Variants in PHACTR3 observed in about 807,000 individuals in gnomAD.
PHACTR3 encodes protein phosphatase 1, regulatory subunit 123.
A neutral mutation model predicts 66.8 loss-of-function variants in PHACTR3; 16 were observed. The observed-to-expected ratio is 0.24, with a 90% CI of 0.16 to 0.36. The LOEUF is 0.36. Ranked by LOEUF, PHACTR3 falls within the 10% of genes least tolerant of loss-of-function variation. PHACTR3 has a pLI of 1.00. For missense variants in PHACTR3, 647 were observed against 719.9 expected (o/e 0.90, Z 1.16); for synonymous variants, 323 against 292.1 (o/e 1.11, Z -1.08).
chr20:59,652,270 G>T (rs2035482324), intron 1 of PHACTR3, among the ~76,000 whole-genome samples: 1 of 152,160 alleles, frequency 6.6e-6, no homozygotes, highest in Non-Finnish European at 1.5e-5. Context: ...AGATGTGGTG[G>T]CTCACACCTG....
chr20:59,833,231 A>G (rs1415596365), intron 8 of PHACTR3, among the ~76,000 whole-genome samples: 1 of 152,236 alleles, frequency 6.6e-6, no homozygotes, highest in Non-Finnish European at 1.5e-5. Flanking sequence ...ACATTCAGTG[A>G]GAAGCTTGGC....
intron 7 of PHACTR3, 61 bp from the exon 8 acceptor site, chr20:59,805,980 C>T: frequency 1.3e-6 from 2 of 1,541,654 alleles, no homozygotes; most frequent in Non-Finnish European, 1.7e-6. Context: ...CAAGCCAGCC[C>T]TCCGCTAAGA....
At chr20:59,748,281 G>C (rs535207574) in intron 3 of PHACTR3, among the ~76,000 whole-genome samples, 1 of 152,122 alleles carries the variant, frequency 6.6e-6, no homozygotes, top group African/African-American at 2.4e-5. Context: ...ATGCTGGGGC[G>C]GGGTGGGATA....
chr20:59,737,514 A>G (rs1313834584), intron 1 of PHACTR3, among the ~76,000 whole-genome samples: 1 of 130,816 alleles, frequency 7.6e-6, no homozygotes, highest in African/African-American at 2.5e-5. Flanking sequence ...GTGTGCGTGC[A>G]TGTGTGCGTG....
At chr20:59,644,337 T>A (rs534331026) in intron 1 of PHACTR3, among the ~76,000 whole-genome samples, 1 of 152,356 alleles carries the variant, frequency 6.6e-6, no homozygotes, top group African/African-American at 2.4e-5. Context: ...TAACTTCTAT[T>A]TGTTGTGATA....
intron 1 of PHACTR3, among the ~76,000 whole-genome samples, chr20:59,650,294 T>C (rs1601007422): frequency 6.6e-6 from 1 of 152,272 alleles, no homozygotes; most frequent in East Asian, 1.9e-4. Context: ...ATGTAAAGGG[T>C]TGCAGATACA....
chr20:59,604,732 G>T lies in PHACTR3; in HGVS notation c.-283G>T. The T allele has an allele frequency of 9.3e-7, 1 of 1,080,022 alleles. No homozygotes were observed. The highest frequency in any genetic ancestry group is 1.1e-6 in the Non-Finnish European group (1 of 893,920). 66.9% of individuals were successfully genotyped at this position (1,080,022 alleles called of 1,614,324 possible). On this transcript the variant is annotated 5_prime_UTR_variant, in exon 1 of 13. Coordinates refer to ENST00000371015, the MANE Select transcript of PHACTR3 (RefSeq NM_080672.5). Reference sequence around the variant, plus strand: ...CTTTTTTTTTTTTCCCTGGAATATAGACTGAAGAATGGGAATAAACACGAA... The same window carrying T: ...CTTTTTTTTTTTTCCCTGGAATATATACTGAAGAATGGGAATAAACACGAA...
At chr20:59,580,538 C>T (rs886648054) in intron 1 of PHACTR3, among the ~76,000 whole-genome samples, 6 of 151,430 alleles carry the variant, frequency 4.0e-5, no homozygotes, top group Admixed American at 1.3e-4. Context: ...AGTGCTGACT[C>T]GTAGTGGGTT....
chr20:59,745,097 A>C (rs1366920952), intron 2 of PHACTR3, among the ~76,000 whole-genome samples: 1 of 152,216 alleles, frequency 6.6e-6, no homozygotes, highest in Non-Finnish European at 1.5e-5. Context: ...CTTTGGGCCC[A>C]GTGGTCCGAG....
At chr20:59,633,146 T>C (rs887909046) in intron 1 of PHACTR3, among the ~76,000 whole-genome samples, 1 of 152,228 alleles carries the variant, frequency 6.6e-6, no homozygotes, top group Admixed American at 6.5e-5. Flanking sequence ...GATTAGGCTT[T>C]TCTCGTGAAA....
At chr20:59,845,162 A>T (rs1369654285) in intron 11 of PHACTR3, 27 bp from the exon 12 acceptor site, 2 of 1,434,610 alleles carry the variant, frequency 1.4e-6, no homozygotes, top group East Asian at 2.3e-5. Context: ...ATATCCTGTA[A>T]AACAATGTCT....
chr20:59,586,525 A>ATT (rs199713814), intron 1 of PHACTR3, among the ~76,000 whole-genome samples: 3 of 146,434 alleles, frequency 2.0e-5, no homozygotes, highest in Non-Finnish European at 3.0e-5. Flanking sequence ...AATTAACTCC[A>ATT]TTTTTTTTTT....
chr20:59,605,835 G>A (rs1216886049), intron 1 of PHACTR3, among the ~76,000 whole-genome samples: 1 of 115,402 alleles, frequency 8.7e-6, no homozygotes, highest in East Asian at 2.9e-4. Context: ...AGGAAGAAAG[G>A]CCTAATAAAG....
In PHACTR3 at chr20:59,680,391, C is replaced by T. The variant is rs75175503; in HGVS notation, c.119-62716C>T. On this transcript the variant is annotated intron_variant, in intron 1 of 12. Coordinates refer to ENST00000371015, the MANE Select transcript of PHACTR3 (RefSeq NM_080672.5). ...GGAGAACTGCCTTAATGTTCAGAAA[C>T]GGTCCAGTGGTGGCAGGCTGGACAA... is the stretch of plus-strand genomic sequence containing the variant. 5.4e-3 allele frequency among the ~76,000 whole-genome samples: 819 copies of T among 152,138 alleles called. 7 individuals carry two copies. The highest frequency in any genetic ancestry group is 0.019 in the African/African-American group (790 of 41,510).
intron 1 of PHACTR3, among the ~76,000 whole-genome samples, chr20:59,654,490 C>T (rs559918630): frequency 2.6e-5 from 4 of 152,174 alleles, no homozygotes; most frequent in Non-Finnish European, 5.9e-5. Flanking sequence ...ATGTACTGAT[C>T]TCATTTTACC....
chr20:59,824,139 T>A (rs1568858625), intron 8 of PHACTR3, among the ~76,000 whole-genome samples: 1 of 152,198 alleles, frequency 6.6e-6, no homozygotes, highest in Non-Finnish European at 1.5e-5. Context: ...TGACTTAAAG[T>A]CAGCTGATCA....
intron 8 of PHACTR3, among the ~76,000 whole-genome samples, chr20:59,814,455 G>A (rs1448154942): frequency 5.9e-5 from 9 of 152,158 alleles, no homozygotes; most frequent in African/African-American, 2.2e-4. Flanking sequence ...ATGCCGTCAG[G>A]TGCCTGGGGT....
At chr20:59,687,729 G>A (rs893042758) in intron 1 of PHACTR3, among the ~76,000 whole-genome samples, 5 of 152,116 alleles carry the variant, frequency 3.3e-5, no homozygotes, top group African/African-American at 1.2e-4. Flanking sequence ...TTTGTGGACT[G>A]GTACCTGGAA....
At position 59,847,188 on chromosome 20, in the gene PHACTR3, A is replaced by G. The variant is rs2059166028; in HGVS notation, c.*58A>G. On this transcript the variant is annotated 3_prime_UTR_variant, in exon 13 of 13. Coordinates refer to ENST00000371015, the MANE Select transcript of PHACTR3 (RefSeq NM_080672.5). ...TTTTTGATACCAACACTGAACATTC[A>G]TCAGGGAACTTTCCTGAAGTTCAGC... 3.0e-6 allele frequency: 4 copies of G among 1,317,850 alleles called. No individual in the cohort carries two copies. The highest frequency in any genetic ancestry group is 1.7e-5 in the Admixed American group (1 of 57,254). The allele number at this position is 1,317,850 out of a possible 1,614,324, so 81.6% of individuals were successfully genotyped here.
Sources: allele counts gnomAD v4.1 joint callset (sites outside exome capture counted in the v4.1 genomes callset), GRCh38; gene constraint gnomAD v4.1.1; transcripts MANE v1.5; gene names NCBI Gene and HGNC (gene_info 2026-07-23, HGNC 2026-07-21).